DMD: variants seen among roughly 807,000 people sequenced by gnomAD.
The protein encoded by DMD is dystrophin, also known as mutant dystrophin.
DMD carries 63 observed loss-of-function variants against 330.1 expected under a neutral mutation model. The observed-to-expected ratio is 0.19, with a 90% CI of 0.16 to 0.24. The LOEUF (loss-of-function observed/expected upper bound fraction) is 0.24, where lower values mean the gene tolerates loss of function less well. DMD is among the 10% of genes least tolerant of loss of function. DMD has a pLI of 1.00. For missense variants in DMD, 3,344 were observed against 2,684.1 expected, an observed-to-expected ratio of 1.25 and a Z score of -5.43; for synonymous variants, 1,223 against 959.8, an observed-to-expected ratio of 1.27 and a Z score of -5.07.
intron 1 of DMD, among the ~76,000 whole-genome samples, chrX:33,096,782 A>G (rs1203102059): frequency 8.9e-6 from 1 of 112,213 alleles, no homozygotes; most frequent in Non-Finnish European, 1.9e-5. Context: ...CTGGGATTAT[A>G]GGCGCGAGCC....
At chrX:31,863,762 G>A (rs2093751984) in intron 48 of DMD, among the ~76,000 whole-genome samples, 1 of 111,182 alleles carries the variant, frequency 9.0e-6, no homozygotes, top group Admixed American at 9.6e-5. Flanking sequence ...GTAGTCACAG[G>A]AAATTGTTTT....
chrX:31,613,792 T>A (rs1315894475), intron 55 of DMD, among the ~76,000 whole-genome samples: 2 of 111,431 alleles, frequency 1.8e-5, no homozygotes, highest in Non-Finnish European at 3.8e-5. Flanking sequence ...TTCCATATCT[T>A]ATCAACTTGT....
At chrX:32,276,552 A>T (rs73221105) in intron 43 of DMD, among the ~76,000 whole-genome samples, 11 of 111,224 alleles carry the variant, frequency 9.9e-5, no homozygotes, top group Non-Finnish European at 1.9e-4. Context: ...TCACAGTAGG[A>T]TAGGGCACTG....
chrX:33,162,905 GA>G (rs1291349839), intron 1 of DMD, among the ~76,000 whole-genome samples: 1 of 110,733 alleles, frequency 9.0e-6, no homozygotes, highest in African/African-American at 3.3e-5. Context: ...TTCTGAAAAT[GA>G]CCTGCAATAT....
chrX:32,320,070 G>A (rs1315460423), intron 41 of DMD, among the ~76,000 whole-genome samples: 1 of 110,923 alleles, frequency 9.0e-6, no homozygotes, highest in Non-Finnish European at 1.9e-5. Flanking sequence ...GAAAAAATAA[G>A]TATGGAAAGA....
At chrX:31,297,952 A>G (rs1007342319) in intron 62 of DMD, among the ~76,000 whole-genome samples, 40 of 112,105 alleles carry the variant, frequency 3.6e-4, no homozygotes, top group Non-Finnish European at 5.6e-5. Context: ...CAAGTTATCT[A>G]TAGACTCATT....
chrX:32,929,729 C>T (rs1196088827), intron 2 of DMD, among the ~76,000 whole-genome samples: 1 of 110,602 alleles, frequency 9.0e-6, no homozygotes, highest in Non-Finnish European at 1.9e-5. Context: ...CACCCCCTGA[C>T]AGGCCCAGGT....
At chrX:32,760,787 C>G (rs1376652891) in intron 7 of DMD, among the ~76,000 whole-genome samples, 1 of 111,562 alleles carries the variant, frequency 9.0e-6, no homozygotes, top group Non-Finnish European at 1.9e-5. Flanking sequence ...TAATGCATAC[C>G]TTTTGATCTA....
At chrX:32,514,464 G>A (rs1260035532) in intron 18 of DMD, among the ~76,000 whole-genome samples, 1 of 112,032 alleles carries the variant, frequency 8.9e-6, no homozygotes, top group African/African-American at 3.2e-5. Context: ...TGTTAGTGCC[G>A]GGCGCGGTGG....
intron 18 of DMD, among the ~76,000 whole-genome samples, chrX:32,514,234 G>GTAAA (rs1234841642): frequency 1.8e-5 from 1 of 54,847 alleles, no homozygotes. Context: ...TAAGGCAGGT[G>GTAAA]GAAAAAAAAA....
At chrX:33,143,690 G>A (rs1054079140) in intron 1 of DMD, among the ~76,000 whole-genome samples, 3 of 111,557 alleles carry the variant, frequency 2.7e-5, no homozygotes, top group African/African-American at 9.8e-5. Flanking sequence ...CCTTTTATGT[G>A]GCATCTGGTA....
chrX:31,926,472 C>T (rs766736823), intron 47 of DMD, among the ~76,000 whole-genome samples: 18 of 110,633 alleles, frequency 1.6e-4, no homozygotes, highest in East Asian at 8.5e-4. Context: ...GTCAGGAGTT[C>T]GAGACCAGCC....
At chrX:32,750,898 A>G (rs2148282871) in intron 7 of DMD, among the ~76,000 whole-genome samples, 1 of 111,539 alleles carries the variant, frequency 9.0e-6, no homozygotes, top group Non-Finnish European at 1.9e-5. Flanking sequence ...AATAAGTTTC[A>G]CAAAATCTGA....
chrX:31,299,612 C>G (rs2054476059), intron 62 of DMD, among the ~76,000 whole-genome samples: 1 of 109,503 alleles, frequency 9.1e-6, no homozygotes, highest in Non-Finnish European at 1.9e-5. Flanking sequence ...CCTGTCTCTA[C>G]TAAAAATACA....
chrX:32,651,467 T>A (rs974636417), intron 9 of DMD, among the ~76,000 whole-genome samples: 1 of 112,055 alleles, frequency 8.9e-6, no homozygotes, highest in East Asian at 2.8e-4. Context: ...TAAAAATAAG[T>A]CAAAGTGTAT....
rs375103948 is a variant in DMD, at chrX:31,347,617, A to C, written c.9163+939T>G. The stretch of plus-strand genomic sequence containing the variant: ...TGTGTACAGATACCACATATTCTTT[A>C]TCCATTCATCTGTTGATATACACTT... On this transcript the variant is annotated intron_variant, in intron 61 of 78. Transcript: ENST00000357033. Among the ~76,000 whole-genome samples the C allele has an allele frequency of 1.1e-4, 12 of 112,153 alleles. No homozygotes were observed. In the East Asian group the frequency reaches 1.4e-3, roughly 13 times the overall value.
intron 2 of DMD, among the ~76,000 whole-genome samples, chrX:32,863,424 G>C (rs1177609392): frequency 9.4e-6 from 1 of 106,226 alleles, no homozygotes; most frequent in African/African-American, 3.6e-5. Flanking sequence ...GGCTAAGGTG[G>C]GAGAGAATCT....
At chrX:32,476,979 C>A (rs1358086421) in intron 21 of DMD, among the ~76,000 whole-genome samples, 1 of 111,278 alleles carries the variant, frequency 9.0e-6, no homozygotes, top group Non-Finnish European at 1.9e-5. Context: ...TCTTAAAAGA[C>A]CTCGAGAGTT....
At chrX:32,566,267 A>T (rs1404023561) in intron 15 of DMD, among the ~76,000 whole-genome samples, 2 of 112,205 alleles carry the variant, frequency 1.8e-5, no homozygotes, top group African/African-American at 6.5e-5. Context: ...CGGAATTCAA[A>T]CGAAAACTGA....
Sources: gnomAD v4.1 joint callset for allele counts (sites outside exome capture counted in the v4.1 genomes callset) on GRCh38, gnomAD v4.1.1 for gene constraint, MANE v1.5 for transcripts, NCBI Gene and HGNC (gene_info 2026-07-23, HGNC 2026-07-21) for gene names.